Variants in GSE1 observed in about 807,000 individuals in gnomAD.
The protein encoded by GSE1 is genetic suppressor element 1.
In GSE1, 32 loss-of-function variants were observed where a neutral mutation model predicts 112.6. That is an observed-to-expected ratio of 0.28 (90% CI 0.21 to 0.38). The LOEUF is 0.38. GSE1 is among the 10% of genes least tolerant of loss of function. The pLI is 1.00. For missense variants in GSE1, 2,348 were observed against 1,699.2 expected (o/e 1.38, Z -6.71); for synonymous variants, 1,115 against 735.6 (o/e 1.52, Z -8.35).
intron 1 of GSE1, among the ~76,000 whole-genome samples, chr16:85,209,322 G>T (rs1015513046): frequency 1.3e-5 from 2 of 152,164 alleles, no homozygotes; most frequent in African/African-American, 4.8e-5. Context: ...GCTGGCCAGG[G>T]CAACATCCTC....
At position 85,672,481 on chromosome 16, in the gene GSE1, G is replaced by C. The variant is rs775537018; in HGVS notation, c.3596G>C (p.Cys1199Ser). 1.2e-6 allele frequency: 2 copies of C among 1,611,828 alleles called. No individual in the cohort carries two copies. The highest frequency in any genetic ancestry group is 3.3e-5 in the Admixed American group (2 of 59,964). Reference protein sequence around the residue: ...LQAELDHLRKCLALPAMHWPR... With the variant: ...LQAELDHLRKSLALPAMHWPR... ...GCAGAACTGGACCACTTACGAAAGT[G>C]CCTTGCCTTGCCTGCAATGCACTGG... The change falls in exon 16 of 16, where the codon TGC becomes TCC. Residue 1199 changes from cysteine to serine, a missense_variant. By Grantham distance (112) the Cys-to-Ser change is moderately radical (BLOSUM62 -1). Transcript: ENST00000253458.
intron 1 of GSE1, among the ~76,000 whole-genome samples, chr16:85,239,159 C>T (rs866183773): frequency 5.9e-5 from 9 of 152,210 alleles, no homozygotes; most frequent in Non-Finnish European, 1.0e-4. Flanking sequence ...CTCGAACTCC[C>T]GACCTCAAGT....
chr16:85,381,066 C>G (rs2047536070), intron 2 of GSE1, among the ~76,000 whole-genome samples: 1 of 152,208 alleles, frequency 6.6e-6, no homozygotes. Context: ...TTCGTCACCC[C>G]AAAAGGAAAT....
chr16:85,315,627 G>A (rs2151490284), intron 1 of GSE1, among the ~76,000 whole-genome samples: 1 of 152,318 alleles, frequency 6.6e-6, no homozygotes, highest in African/African-American at 2.4e-5. Context: ...CCTGGTGTGT[G>A]TAGACTTGAG....
Position 85,645,069 on chromosome 16 carries a change from C to G in GSE1, c.227-3483C>G, listed in dbSNP as rs1218777548. Among the ~76,000 whole-genome samples, 5 of 151,554 alleles carry G rather than the reference C, an allele frequency of 3.3e-5. No homozygotes were observed. The East Asian group carries it at 7.8e-4, about 24-fold the overall frequency. On this transcript the variant is annotated intron_variant, in intron 2 of 15. Coordinates refer to ENST00000253458, the MANE Select transcript of GSE1 (RefSeq NM_014615.5). ...AGGGGCGTGGTGCCCCGCCCTGCAG[C>G]CAGCGTTTCCCCTCCTCAGGTGGAT...
At chr16:85,537,320 A>G (rs1057185751) in intron 2 of GSE1, among the ~76,000 whole-genome samples, 1 of 152,206 alleles carries the variant, frequency 6.6e-6, no homozygotes, top group African/African-American at 2.4e-5. Flanking sequence ...TGCTAAGAGC[A>G]GGGGAGTGGA....
In GSE1 at chr16:85,668,344, G is replaced by C. The variant is rs761245923; in HGVS notation, c.3335G>C (p.Gly1112Ala). ...EEEEEEDDED[G>A]EDEEEVPKRK... ...GAGGAAGAGGAGGATGATGAAGATG[G>C]AGAAGATGAGGAGGAAGTCCCCAAG... is the stretch of plus-strand genomic sequence containing the variant. Residue 1112 changes from glycine (G) to alanine (A), a missense_variant, in exon 14 of 16, where the codon GGA becomes GCA. Gly to Ala is a moderately conservative substitution (Grantham distance 60). Transcript: ENST00000253458. The C allele has an allele frequency of 2.5e-6, 4 of 1,613,412 alleles. No individual in the cohort carries two copies. The highest frequency in any genetic ancestry group is 2.2e-5 in the South Asian group (2 of 91,070).
intron 1 of GSE1, among the ~76,000 whole-genome samples, chr16:85,309,517 T>TAAAG (rs938582736): frequency 7.3e-5 from 11 of 151,544 alleles, no homozygotes; most frequent in Non-Finnish European, 1.5e-4. Flanking sequence ...AATAAATAAA[T>TAAAG]AAATAAGAAG....
chr16:85,613,784 A>G (rs1209673405), intron 1 of GSE1, among the ~76,000 whole-genome samples: 1 of 134,988 alleles, frequency 7.4e-6, no homozygotes, highest in Non-Finnish European at 1.6e-5. Context: ...CTTTGCGGCG[A>G]CGCGGGAGGG....
chr16:85,558,377 G>A (rs991107254), intron 1 of GSE1, among the ~76,000 whole-genome samples: 2 of 151,862 alleles, frequency 1.3e-5, no homozygotes, highest in South Asian at 2.1e-4. Flanking sequence ...AGTACAGGGC[G>A]TCTTCAAAGC....
chr16:85,616,282 C>T (rs1262772766), intron 1 of GSE1, among the ~76,000 whole-genome samples: 9 of 152,260 alleles, frequency 5.9e-5, no homozygotes, highest in Admixed American at 5.9e-4. Context: ...CTCGGAGCCC[C>T]GAGCTGAGGG....
intron 1 of GSE1, among the ~76,000 whole-genome samples, chr16:85,315,982 A>G (rs1223949882): frequency 6.6e-6 from 1 of 152,168 alleles, no homozygotes; most frequent in Non-Finnish European, 1.5e-5. Flanking sequence ...GCTGGTGCCC[A>G]TGGTGCCCCT....
Position 85,635,796 on chromosome 16 carries a change from G to A in GSE1, c.226+1664G>A, listed in dbSNP as rs559949846. On this transcript the variant is annotated intron_variant, in intron 2 of 15. Coordinates refer to ENST00000253458, the MANE Select transcript of GSE1 (RefSeq NM_014615.5). ...AGCTGTGTCTGCTTTGGGGCCTCTGGGCTCCACCCCTGGGTAACGCTGCAG... is the reference window on the plus strand; with the variant it reads ...AGCTGTGTCTGCTTTGGGGCCTCTGAGCTCCACCCCTGGGTAACGCTGCAG... Among the ~76,000 whole-genome samples, 4 of 152,310 alleles carry A rather than the reference G, an allele frequency of 2.6e-5. No homozygotes were observed. The East Asian group carries it at 7.7e-4, about 29-fold the overall frequency.
At chr16:85,327,794 G>T (rs544975015) in intron 1 of GSE1, among the ~76,000 whole-genome samples, 6 of 152,114 alleles carry the variant, frequency 3.9e-5, no homozygotes, top group Non-Finnish European at 8.8e-5. Flanking sequence ...CCCATTTTAC[G>T]GATCAGCAAA....
intron 2 of GSE1, among the ~76,000 whole-genome samples, chr16:85,515,483 G>T (rs2051899300): frequency 6.6e-6 from 1 of 152,218 alleles, no homozygotes; most frequent in South Asian, 2.1e-4. Context: ...TCTGGCAGCG[G>T]GTGGGCGGAG....
At chr16:85,185,719 C>T (rs921960758) in intron 1 of GSE1, among the ~76,000 whole-genome samples, 2 of 152,254 alleles carry the variant, frequency 1.3e-5, no homozygotes, top group South Asian at 4.1e-4. Flanking sequence ...TTGGGAGCCC[C>T]AGCCAAATCC....
Position 85,655,850 on chromosome 16 carries a change from C to T in GSE1, c.922C>T (p.Pro308Ser). The T allele has an allele frequency of 6.2e-7, 1 of 1,610,064 alleles. No homozygotes were observed. Among genetic ancestry groups the T allele is most frequent in the Non-Finnish European group, 8.5e-7 (1 of 1,179,894 alleles). Residue 308 changes from proline (P) to serine (S), a missense_variant, in exon 6 of 16, where the codon CCC becomes TCC. Coordinates refer to ENST00000253458, the MANE Select transcript of GSE1 (RefSeq NM_014615.5). ...HLHLSGVRYP[P>S]ELSHSSLAAL... The stretch of plus-strand genomic sequence containing the variant: ...GCACCTCTCTGGGGTCCGCTACCCT[C>T]CCGAGCTCTCCCACTCATCCCTGGC...
chr16:85,527,005 G>A (rs749853482), intron 2 of GSE1, among the ~76,000 whole-genome samples: 6 of 152,232 alleles, frequency 3.9e-5, no homozygotes, highest in Non-Finnish European at 8.8e-5. Context: ...AAACAGTGTT[G>A]TAAAAATATT....
At chr16:85,364,832 A>C (rs1346181162) in intron 2 of GSE1, among the ~76,000 whole-genome samples, 1 of 152,142 alleles carries the variant, frequency 6.6e-6, no homozygotes, top group Non-Finnish European at 1.5e-5. Flanking sequence ...GAAGGGGCCG[A>C]GCCCTGCCAT....
Sources: allele counts gnomAD v4.1 joint callset (sites outside exome capture counted in the v4.1 genomes callset), GRCh38; gene constraint gnomAD v4.1.1; transcripts MANE v1.5; gene names NCBI Gene and HGNC (gene_info 2026-07-23, HGNC 2026-07-21).